FILIP1L: variants seen among roughly 807,000 people sequenced by gnomAD.
The protein encoded by FILIP1L is filamin A interacting protein 1 like, also known as filamin A-interacting protein 1-like.
Under a neutral mutation model 96.6 loss-of-function variants are expected in FILIP1L, and 55 were observed. The observed-to-expected ratio is 0.57, with a 90% confidence interval of 0.46 to 0.71. The LOEUF is 0.71. Ranked by LOEUF, FILIP1L falls within the 30% of genes least tolerant of loss-of-function variation. The probability of loss-of-function intolerance (pLI) is 0.00; values close to 1 mark genes in which losing one functional copy is unlikely to be tolerated. For missense variants in FILIP1L, 1,304 were observed against 1,321.2 expected, an observed-to-expected ratio of 0.99 and a Z score of 0.20; for synonymous variants, 467 against 473.9, an observed-to-expected ratio of 0.99 and a Z score of 0.19.
At chr3:100,048,549 C>G (rs2065314830) in intron 1 of FILIP1L, among the ~76,000 whole-genome samples, 1 of 152,184 alleles carries the variant, frequency 6.6e-6, no homozygotes, top group Non-Finnish European at 1.5e-5. Context: ...GTGACACAAC[C>G]CACCACACAG....
At chr3:100,038,739 G>A (rs901253952) in intron 1 of FILIP1L, among the ~76,000 whole-genome samples, 9 of 152,112 alleles carry the variant, frequency 5.9e-5, no homozygotes, top group African/African-American at 2.2e-4. Context: ...GGGCTCAAGC[G>A]ATCCTCCCAC....
At chr3:99,952,479 G>A (rs1340242964) in intron 1 of FILIP1L, among the ~76,000 whole-genome samples, 1 of 152,162 alleles carries the variant, frequency 6.6e-6, no homozygotes, top group Non-Finnish European at 1.5e-5. Context: ...AAGAATTCAG[G>A]ATCTGTGTGG....
At chr3:99,896,318 TG>T (rs1222321900) in intron 4 of FILIP1L, among the ~76,000 whole-genome samples, 1 of 152,248 alleles carries the variant, frequency 6.6e-6, no homozygotes, top group Non-Finnish European at 1.5e-5. Flanking sequence ...AGGGAAAATT[TG>T]TTGCCCTAAT....
intron 1 of FILIP1L, among the ~76,000 whole-genome samples, chr3:100,024,917 T>C (rs1350956488): frequency 6.6e-6 from 1 of 152,188 alleles, no homozygotes; most frequent in Admixed American, 6.5e-5. Context: ...AGGACTGATA[T>C]CCTGGGCTTT....
intron 1 of FILIP1L, among the ~76,000 whole-genome samples, chr3:100,026,819 C>G (rs1276076699): frequency 6.6e-6 from 1 of 152,154 alleles, no homozygotes; most frequent in Non-Finnish European, 1.5e-5. Flanking sequence ...TTCTTTCTCT[C>G]CTGCAGCCAG....
At chr3:100,083,897 A>G (rs1332861439) in intron 1 of FILIP1L, among the ~76,000 whole-genome samples, 2 of 152,190 alleles carry the variant, frequency 1.3e-5, no homozygotes, top group African/African-American at 2.4e-5. Flanking sequence ...TGGAAGTTCT[A>G]TAGTAGATTT....
intron 1 of FILIP1L, among the ~76,000 whole-genome samples, chr3:99,949,087 CA>C (rs1030106576): frequency 9.2e-5 from 14 of 151,522 alleles, no homozygotes; most frequent in Non-Finnish European, 1.8e-4. Context: ...GAGTAAATTC[CA>C]AAAAAAATTG....
intron 1 of FILIP1L, among the ~76,000 whole-genome samples, chr3:99,972,935 G>A (rs891214254): frequency 1.3e-5 from 2 of 152,194 alleles, no homozygotes; most frequent in African/African-American, 4.8e-5. Flanking sequence ...AAACACATCA[G>A]CAAAGAGCAT....
intron 4 of FILIP1L, among the ~76,000 whole-genome samples, chr3:99,872,525 A>T (rs1350448933): frequency 2.0e-5 from 3 of 151,894 alleles, no homozygotes; most frequent in African/African-American, 7.3e-5. Flanking sequence ...TGTCCCAATC[A>T]TACACTTACC....
intron 1 of FILIP1L, among the ~76,000 whole-genome samples, chr3:99,964,102 C>T (rs191439768): frequency 6.6e-6 from 1 of 151,984 alleles, no homozygotes; most frequent in African/African-American, 2.4e-5. Flanking sequence ...GGCATAGACT[C>T]GTTCTGTGGT....
rs143737697 is a variant in FILIP1L at position 99,964,666 on chromosome 3, C to G, written c.-10-33636G>C. On this transcript the variant is annotated intron_variant, in intron 1 of 5. Coordinates refer to ENST00000477258, the MANE Select transcript of FILIP1L (RefSeq NM_001387850.1). ...TAAGCTAGAGCTTCCCAACCTGTTTCTCAATATGGCTCACAGAGAAGCTGG... is the reference window on the plus strand; with the variant it reads ...TAAGCTAGAGCTTCCCAACCTGTTTGTCAATATGGCTCACAGAGAAGCTGG... 4.6e-3 allele frequency among the ~76,000 whole-genome samples: 703 copies of G among 152,190 alleles called. 2 individuals carry two copies. The highest frequency in any genetic ancestry group is 6.6e-3 in the South Asian group (32 of 4,820).
At chr3:99,857,196 A>ATAT (rs10652956) in intron 4 of FILIP1L, among the ~76,000 whole-genome samples, 19,853 of 152,204 alleles carry the variant, frequency 0.13, 1,922 homozygotes, top group African/African-American at 0.27. Context: ...GGATGCTCTA[A>ATAT]TATTTACCAT....
chr3:99,924,169 TG>T, intron 4 of FILIP1L, 60 bp downstream of exon 4: 2 of 1,385,904 alleles, frequency 1.4e-6, no homozygotes, highest in Non-Finnish European at 1.0e-6. Context: ...CCCTGAGACC[TG>T]GTACAGTGGC....
At chr3:99,899,739 T>G (rs916037223) in intron 4 of FILIP1L, among the ~76,000 whole-genome samples, 1 of 152,258 alleles carries the variant, frequency 6.6e-6, no homozygotes, top group African/African-American at 2.4e-5. Flanking sequence ...CTTTTCTTAA[T>G]GCACATTAAC....
chr3:100,071,899 G>A (rs979749847), intron 1 of FILIP1L, among the ~76,000 whole-genome samples: 1 of 152,132 alleles, frequency 6.6e-6, no homozygotes, highest in African/African-American at 2.4e-5. Context: ...TGTCTTCAGG[G>A]GGACTTTGCC....
chr3:100,094,752 C>T (rs1018327414), intron 1 of FILIP1L, among the ~76,000 whole-genome samples: 34 of 137,994 alleles, frequency 2.5e-4, no homozygotes, highest in Non-Finnish European at 5.0e-4. Flanking sequence ...GGCACAATCT[C>T]GGCTCACGGC....
At position 100,058,421 on chromosome 3, in the gene FILIP1L, A is replaced by G. The variant is rs543006378; in HGVS notation, c.-11+55632T>C. Among the ~76,000 whole-genome samples, 5 of 152,350 alleles carry G rather than the reference A, an allele frequency of 3.3e-5. No individual in the cohort carries two copies. In the South Asian group the frequency reaches 1.0e-3, roughly 32 times the overall value. On this transcript the variant is annotated intron_variant, in intron 1 of 5. Coordinates refer to ENST00000477258, the MANE Select transcript of FILIP1L (RefSeq NM_001387850.1). ...GATCACCTCTGAAGGCAGGCAGAGA[A>G]AAGTTGACACATAGTTAAGTGAGGC...
At chr3:99,924,591 TCA>T (rs1343311196) in intron 3 of FILIP1L, among the ~76,000 whole-genome samples, 183 bp from the exon 4 acceptor site, 1 of 152,260 alleles carries the variant, frequency 6.6e-6, no homozygotes, top group Non-Finnish European at 1.5e-5. Context: ...CGATCTCGAC[TCA>T]CTGCAACTTC....
intron 4 of FILIP1L, among the ~76,000 whole-genome samples, chr3:99,883,955 G>A (rs1470828994): frequency 6.6e-6 from 1 of 152,164 alleles, no homozygotes; most frequent in Non-Finnish European, 1.5e-5. Context: ...TCAGTGTTTT[G>A]TAGTAAGATT....
Sources: allele counts gnomAD v4.1 joint callset (sites outside exome capture counted in the v4.1 genomes callset), GRCh38; gene constraint gnomAD v4.1.1; transcripts MANE v1.5; gene names NCBI Gene and HGNC (gene_info 2026-07-23, HGNC 2026-07-21).